The following WDPCP variants were observed in gnomAD, a reference collection of about 807,000 sequenced individuals.
The protein encoded by WDPCP is WD repeat-containing and planar cell polarity effector protein fritz homolog.
In WDPCP, 71 loss-of-function variants were observed where a neutral mutation model predicts 93.1. That is an observed-to-expected ratio of 0.76 (90% CI 0.63 to 0.93). The LOEUF is 0.93. Ranked by LOEUF, WDPCP falls within the 40% of genes least tolerant of loss-of-function variation. The pLI is 0.00. For missense variants in WDPCP, 844 were observed against 887.4 expected (o/e 0.95, Z 0.62); for synonymous variants, 315 against 315.0 (o/e 1.00, Z 0.00).
At chr2:63,383,024 A>G (rs1345543229) in intron 10 of WDPCP, among the ~76,000 whole-genome samples, 1 of 152,126 alleles carries the variant, frequency 6.6e-6, no homozygotes, top group Non-Finnish European at 1.5e-5. Context: ...TGTTGACTCC[A>G]CCTATACCCT....
intron 13 of WDPCP, among the ~76,000 whole-genome samples, chr2:63,285,415 C>G (rs1482588397): frequency 7.7e-6 from 1 of 130,340 alleles, no homozygotes; most frequent in Non-Finnish European, 1.6e-5. Context: ...GCCTGGGTGA[C>G]AGAGTGAGAC....
chr2:63,613,121 T>A (rs772546166), intron 3 of WDPCP, among the ~76,000 whole-genome samples: 1 of 152,160 alleles, frequency 6.6e-6, no homozygotes, highest in Non-Finnish European at 1.5e-5. Context: ...TCTCTTTGCT[T>A]AGAATGCTCT....
chr2:63,494,686 C>T (rs1437748850), intron 1 of WDPCP, among the ~76,000 whole-genome samples: 1 of 151,752 alleles, frequency 6.6e-6, no homozygotes, highest in Non-Finnish European at 1.5e-5. Context: ...TTTGGGAGGC[C>T]GAGGCGGGGG....
intron 2 of WDPCP, among the ~76,000 whole-genome samples, chr2:63,742,823 G>A (rs1669743763): frequency 6.6e-6 from 1 of 151,304 alleles, no homozygotes; most frequent in Non-Finnish European, 1.5e-5. Flanking sequence ...CCTTGCCTCA[G>A]TAACACAGAG....
At chr2:63,622,431 G>T in intron 3 of WDPCP, 29 of 1,613,920 alleles carry the variant, frequency 1.8e-5, no homozygotes, top group Non-Finnish European at 2.5e-5. Flanking sequence ...AAATAAGCTA[G>T]AGGAGACCCA....
At chr2:63,720,477 A>C (rs1669400162) in intron 2 of WDPCP, among the ~76,000 whole-genome samples, 1 of 152,078 alleles carries the variant, frequency 6.6e-6, no homozygotes, top group South Asian at 2.1e-4. Flanking sequence ...TCAATTAAAA[A>C]AAATCAATTC....
intron 1 of WDPCP, among the ~76,000 whole-genome samples, chr2:63,534,209 G>T (rs1704080922): frequency 6.6e-6 from 1 of 152,174 alleles, no homozygotes; most frequent in African/African-American, 2.4e-5. Flanking sequence ...TGAAATTGAG[G>T]CAATAATTAA....
chr2:63,388,817 A>C (rs139080658), intron 10 of WDPCP, among the ~76,000 whole-genome samples: 165 of 152,320 alleles, frequency 1.1e-3, no homozygotes, highest in African/African-American at 3.8e-3. Flanking sequence ...AGATTAAATT[A>C]ATGAAATAAA....
chr2:63,423,992 T>C (rs1323763772), intron 9 of WDPCP, among the ~76,000 whole-genome samples: 1 of 151,850 alleles, frequency 6.6e-6, no homozygotes, highest in Admixed American at 6.5e-5. Flanking sequence ...GACACGAAGC[T>C]GAAGATGGAA....
chr2:63,421,870 T>C (rs1479342572), intron 9 of WDPCP, among the ~76,000 whole-genome samples: 1 of 152,208 alleles, frequency 6.6e-6, no homozygotes, highest in Non-Finnish European at 1.5e-5. Flanking sequence ...AATTATGGGA[T>C]ATTCCTATTC....
chr2:63,484,737 T>G lies in WDPCP; in HGVS notation c.325-74A>C, dbSNP rs114624688. On this transcript the variant is annotated intron_variant, in intron 5 of 17. Coordinates refer to ENST00000272321, the MANE Select transcript of WDPCP (RefSeq NM_015910.7). ...CATTATCAGTTAAAGTGCCTCTGAT[T>G]TGCAAGCAAAAAAAGATCAACATGC... The G allele has an allele frequency of 2.3e-4, 362 of 1,590,418 alleles. No individual in the cohort carries two copies. In the African/African-American group the frequency reaches 4.4e-3, roughly 19 times the overall value.
intron 14 of WDPCP, among the ~76,000 whole-genome samples, chr2:63,193,334 C>T (rs1056565557): frequency 6.6e-6 from 1 of 152,114 alleles, no homozygotes; most frequent in Non-Finnish European, 1.5e-5. Flanking sequence ...AACTCAGTTG[C>T]ATTTTATATT....
At position 63,340,869 on chromosome 2, in the gene WDPCP, A is replaced by C. The variant is rs575760993; in HGVS notation, c.1749-27558T>G. ...TTTACACTGCCATTTTAAATCCAGA[A>C]GTTCCTCCTTTTTAAAAATGTAGGC... On this transcript the variant is annotated intron_variant, in intron 12 of 17. Coordinates refer to ENST00000272321, the MANE Select transcript of WDPCP (RefSeq NM_015910.7). Among the ~76,000 whole-genome samples, 19 of 152,266 alleles carry C rather than the reference A, an allele frequency of 1.2e-4. No individual in the cohort carries two copies. The South Asian group carries it at 3.9e-3, about 32-fold the overall frequency.
intron 12 of WDPCP, among the ~76,000 whole-genome samples, chr2:63,329,843 G>C (rs1687846892): frequency 6.6e-6 from 1 of 152,078 alleles, no homozygotes; most frequent in Non-Finnish European, 1.5e-5. Context: ...TGAGATCATG[G>C]AGTCTTTTTG....
chr2:63,561,411 G>A (rs1706610852), intron 1 of WDPCP, among the ~76,000 whole-genome samples: 1 of 151,824 alleles, frequency 6.6e-6, no homozygotes, highest in East Asian at 1.9e-4. Context: ...CCGGGAGGCG[G>A]AGGTTACAGT....
intron 3 of WDPCP, chr2:63,605,874 T>G (rs1421431552): frequency 7.6e-7 from 1 of 1,309,376 alleles, no homozygotes; most frequent in African/African-American, 1.4e-5. Context: ...GGTTTAATTT[T>G]ATTAGTTCAT....
At chr2:63,367,836 A>G (rs1401739694) in intron 12 of WDPCP, among the ~76,000 whole-genome samples, 1 of 152,234 alleles carries the variant, frequency 6.6e-6, no homozygotes, top group Non-Finnish European at 1.5e-5. Context: ...TATTAAACCT[A>G]TGAACCAAAA....
intron 9 of WDPCP, among the ~76,000 whole-genome samples, chr2:63,414,245 C>T (rs1695235099): frequency 6.6e-6 from 1 of 152,118 alleles, no homozygotes; most frequent in Admixed American, 6.5e-5. Context: ...TAAACTAGTA[C>T]AGCCACTATG....
At position 63,675,358 on chromosome 2, in the gene WDPCP, T is replaced by C. The variant is rs1238324192; in HGVS notation, n.309-24520A>G. Among the ~76,000 whole-genome samples the C allele has an allele frequency of 2.0e-5, 3 of 152,212 alleles. No individual in the cohort carries two copies. In the East Asian group the frequency reaches 5.8e-4, roughly 29 times the overall value. On this transcript the variant is annotated intron_variant and non_coding_transcript_variant, in intron 2 of 4. Coordinates refer to the WDPCP transcript ENST00000467687. Reference sequence around the variant, plus strand: ...CCTCAAAGCTCTCTGGGTGTTTCTATCATACTCTCTCCATCTGGGCTTTAT... The same window carrying C: ...CCTCAAAGCTCTCTGGGTGTTTCTACCATACTCTCTCCATCTGGGCTTTAT...
Sources: gnomAD v4.1 joint callset for allele counts (sites outside exome capture counted in the v4.1 genomes callset) on GRCh38, gnomAD v4.1.1 for gene constraint, MANE v1.5 for transcripts, NCBI Gene and HGNC (gene_info 2026-07-23, HGNC 2026-07-21) for gene names.